Variants in RERE observed in about 807,000 individuals in gnomAD.
The protein encoded by RERE is arginine-glutamic acid dipeptide repeats, also known as arginine-glutamic acid dipeptide repeats protein.
A neutral mutation model predicts 146.1 loss-of-function variants in RERE; 40 were observed. The observed-to-expected ratio is 0.27, with a 90% CI of 0.21 to 0.36. RERE has a LOEUF of 0.36. RERE is among the 10% of genes least tolerant of loss of function. RERE has a pLI of 1.00. For synonymous variants in RERE, 1,003 were observed against 866.0 expected (o/e 1.16, Z -2.78); for missense variants, 1,933 against 2,138.7 (o/e 0.90, Z 1.90).
At chr1:8,382,613 A>G (rs919260922) in intron 12 of RERE, among the ~76,000 whole-genome samples, 5 of 152,216 alleles carry the variant, frequency 3.3e-5, no homozygotes, top group Admixed American at 3.3e-4. Context: ...TTCTAGATGC[A>G]CAGGCAAGAC....
At chr1:8,501,219 C>A (rs1481931870) in intron 8 of RERE, among the ~76,000 whole-genome samples, 28 of 140,626 alleles carry the variant, frequency 2.0e-4, no homozygotes, top group East Asian at 1.9e-3. Flanking sequence ...GGGGGTCAGC[C>A]CCCCGCCCGG....
At chr1:8,414,488 G>A (rs371896396) in intron 12 of RERE, among the ~76,000 whole-genome samples, 1 of 152,032 alleles carries the variant, frequency 6.6e-6, no homozygotes, top group African/African-American at 2.4e-5. Context: ...CCCGGGAGGT[G>A]GAGGTTGCGG....
chr1:8,372,910 G>A (rs917975432), intron 12 of RERE, among the ~76,000 whole-genome samples: 1 of 152,170 alleles, frequency 6.6e-6, no homozygotes, highest in Non-Finnish European at 1.5e-5. Flanking sequence ...GCCATGCATC[G>A]CCCACTAAAA....
intron 6 of RERE, among the ~76,000 whole-genome samples, chr1:8,554,069 C>T (rs938006482): frequency 2.0e-5 from 3 of 151,852 alleles, no homozygotes; most frequent in Non-Finnish European, 2.9e-5. Context: ...CCCAGCTACT[C>T]GGGAGACTGA....
intron 12 of RERE, among the ~76,000 whole-genome samples, chr1:8,390,152 C>T (rs1272052555): frequency 6.6e-6 from 1 of 152,170 alleles, no homozygotes; most frequent in Non-Finnish European, 1.5e-5. Flanking sequence ...GAAGCAGAGC[C>T]ATGTGCCACA....
At chr1:8,707,751 T>A (rs1357784997) in intron 1 of RERE, among the ~76,000 whole-genome samples, 3 of 152,190 alleles carry the variant, frequency 2.0e-5, no homozygotes, top group Admixed American at 6.5e-5. Flanking sequence ...CAGGATTGTA[T>A]TAGTACCAGT....
chr1:8,601,736 AACACACACACACACACACACAC>A (rs3082091), intron 4 of RERE, among the ~76,000 whole-genome samples: 166 of 140,902 alleles, frequency 1.2e-3, no homozygotes, highest in African/African-American at 4.2e-3. Context: ...GTCCAAGGTC[AACACACACACACACACACACAC>A]ACACACACAC....
intron 7 of RERE, among the ~76,000 whole-genome samples, chr1:8,536,449 C>CAT (rs1645728621): frequency 6.6e-6 from 1 of 152,180 alleles, no homozygotes. Context: ...TAAAGAGAGG[C>CAT]ATATAACCAC....
chr1:8,620,186 T>C (rs905461007), intron 3 of RERE, among the ~76,000 whole-genome samples: 6 of 152,168 alleles, frequency 3.9e-5, no homozygotes, highest in African/African-American at 1.4e-4. Context: ...CTAGGCTCTT[T>C]CCATTGCAAT....
chr1:8,735,406 C>T (rs927616357), intron 1 of RERE, among the ~76,000 whole-genome samples: 8 of 152,220 alleles, frequency 5.3e-5, no homozygotes, highest in Admixed American at 5.2e-4. Flanking sequence ...CATGCATATA[C>T]AGCATGCACA....
intron 11 of RERE, among the ~76,000 whole-genome samples, chr1:8,457,367 C>A (rs1405985214): frequency 6.6e-6 from 1 of 152,192 alleles, no homozygotes; most frequent in Non-Finnish European, 1.5e-5. Flanking sequence ...ATGTGGAAAA[C>A]ACACTAGAAT....
chr1:8,801,558 C>T (rs901041123), intron 1 of RERE, among the ~76,000 whole-genome samples: 10 of 151,662 alleles, frequency 6.6e-5, no homozygotes, highest in African/African-American at 9.7e-5. Flanking sequence ...TGTGAGCCAC[C>T]GCGCCTGGCC....
chr1:8,712,136 A>T (rs1639680217), intron 1 of RERE, among the ~76,000 whole-genome samples: 1 of 152,204 alleles, frequency 6.6e-6, no homozygotes, highest in South Asian at 2.1e-4. Flanking sequence ...TATATAATAC[A>T]TTGGCTAAAA....
chr1:8,444,906 CTCTTT>C (rs1437156487), intron 11 of RERE, among the ~76,000 whole-genome samples: 1 of 149,846 alleles, frequency 6.7e-6, no homozygotes, highest in Non-Finnish European at 1.5e-5. Flanking sequence ...CCAATTAAAC[CTCTTT>C]TCTTTATTTA....
At chr1:8,785,374 T>G (rs1234956581) in intron 1 of RERE, among the ~76,000 whole-genome samples, 2 of 152,200 alleles carry the variant, frequency 1.3e-5, no homozygotes, top group Non-Finnish European at 2.9e-5. Context: ...ATTCAGCATA[T>G]TACTTATCCA....
chr1:8,750,535 G>T (rs1640511501), intron 1 of RERE: 14 of 1,037,904 alleles, frequency 1.3e-5, no homozygotes, highest in Non-Finnish European at 1.8e-5. Flanking sequence ...TGAGAAAGAA[G>T]TCTGCCCAAA....
intron 1 of RERE, chr1:8,703,262 C>G (rs963020117): frequency 4.7e-5 from 7 of 149,766 alleles, no homozygotes; most frequent in Non-Finnish European, 1.0e-4. Context: ...GGCTTGGCGG[C>G]TCCGGGAGGC....
At chr1:8,495,988 C>G (rs557371771) in intron 9 of RERE, among the ~76,000 whole-genome samples, 3 of 151,742 alleles carry the variant, frequency 2.0e-5, no homozygotes, top group Admixed American at 6.6e-5. Flanking sequence ...TCAGCCCTGA[C>G]AACATAGAGA....
chr1:8,597,687 A>G (rs1313120672), intron 4 of RERE, among the ~76,000 whole-genome samples: 2 of 152,176 alleles, frequency 1.3e-5, no homozygotes, highest in Non-Finnish European at 2.9e-5. Context: ...CCTGTTATAT[A>G]TGAATGTGCA....
Sources: gnomAD v4.1 joint callset for allele counts (sites outside exome capture counted in the v4.1 genomes callset) on GRCh38, gnomAD v4.1.1 for gene constraint, MANE v1.5 for transcripts, NCBI Gene and HGNC (gene_info 2026-07-23, HGNC 2026-07-21) for gene names.